The following RCL1 variants were observed in gnomAD, a reference collection of about 807,000 sequenced individuals.
RCL1 encodes RNA 3'-terminal phosphate cyclase-like protein.
In RCL1, 24 loss-of-function variants were observed where a neutral mutation model predicts 42.4. The observed-to-expected ratio is 0.57, with a 90% CI of 0.41 to 0.80. The LOEUF is 0.80. RCL1 is among the 30% of genes least tolerant of loss of function. RCL1 has a pLI of 0.00. For synonymous variants in RCL1, 228 were observed against 177.3 expected (o/e 1.29, Z -2.27); for missense variants, 578 against 467.9 (o/e 1.24, Z -2.17).
Position 4,826,948 on chromosome 9 carries a change from A to G in RCL1, c.299A>G (p.Glu100Gly). The change falls in exon 3 of 9, where the codon GAG becomes GGG. Residue 100 changes from glutamate to glycine, a missense_variant. By Grantham distance (98) the Glu-to-Gly change is moderately conservative. Coordinates refer to ENST00000381750, the MANE Select transcript of RCL1 (RefSeq NM_005772.5). Reference protein sequence around the residue: ...SVLRGIGYYLESLLCLAPFMK... With the variant: ...SVLRGIGYYLGSLLCLAPFMK... Reference sequence around the variant, plus strand: ...CTTCGTGGCATTGGGTATTACCTGGAGAGTCTTCTTTGCTTGGCTCCATTT... The same window carrying G: ...CTTCGTGGCATTGGGTATTACCTGGGGAGTCTTCTTTGCTTGGCTCCATTT... 2 of 1,614,054 alleles carry G rather than the reference A, an allele frequency of 1.2e-6. No homozygotes were observed. The highest frequency in any genetic ancestry group is 1.6e-4 in the Middle Eastern group (1 of 6,062).
At chr9:4,831,710 A>G (rs1020097436) in intron 3 of RCL1, among the ~76,000 whole-genome samples, 6 of 152,002 alleles carry the variant, frequency 3.9e-5, no homozygotes, top group African/African-American at 1.4e-4. Flanking sequence ...AAATTAGCTA[A>G]TCTTCAGTGG....
intron 2 of RCL1, among the ~76,000 whole-genome samples, chr9:4,824,222 G>T (rs1816684891): frequency 6.6e-6 from 1 of 152,112 alleles, no homozygotes; most frequent in African/African-American, 2.4e-5. Flanking sequence ...GTTTACACAA[G>T]TATATGCAAA....
intron 3 of RCL1, among the ~76,000 whole-genome samples, chr9:4,831,271 A>C (rs759642011): frequency 1.3e-5 from 2 of 150,666 alleles, no homozygotes; most frequent in African/African-American, 5.0e-5. Context: ...GACTCAAGGT[A>C]TAGGAAGGAT....
intron 1 of RCL1, among the ~76,000 whole-genome samples, chr9:4,817,912 A>ATTTTTTT (rs66886360): frequency 1.5e-4 from 12 of 78,362 alleles, no homozygotes; most frequent in East Asian, 4.5e-4. Context: ...CTTTTCTAAG[A>ATTTTTTT]TTTTTTTTTT....
At chr9:4,833,107 C>T in intron 3 of RCL1, 47 bp from the exon 4 acceptor site, 1 of 1,320,834 alleles carries the variant, frequency 7.6e-7, no homozygotes, top group Non-Finnish European at 1.1e-6. Context: ...CTCTTGTATT[C>T]TGCTGAAGGC....
At chr9:4,838,034 G>C (rs942893111) in intron 5 of RCL1, among the ~76,000 whole-genome samples, 3 of 152,226 alleles carry the variant, frequency 2.0e-5, no homozygotes, top group African/African-American at 7.2e-5. Flanking sequence ...TTTGAATGGA[G>C]ATCGCCCTCT....
intron 1 of RCL1, among the ~76,000 whole-genome samples, chr9:4,795,676 G>T (rs374271959): frequency 2.0e-5 from 3 of 152,288 alleles, no homozygotes; most frequent in African/African-American, 7.2e-5. Flanking sequence ...AAAATCTTCA[G>T]TTCTAATGCA....
At chr9:4,829,410 C>G (rs965426843) in intron 3 of RCL1, among the ~76,000 whole-genome samples, 1 of 152,112 alleles carries the variant, frequency 6.6e-6, no homozygotes, top group Non-Finnish European at 1.5e-5. Context: ...GGATCATGAT[C>G]GTAAAGATCA....
At chr9:4,794,266 C>A (rs1017425521) in intron 1 of RCL1, among the ~76,000 whole-genome samples, 13 of 152,108 alleles carry the variant, frequency 8.5e-5, no homozygotes, top group Non-Finnish European at 1.9e-4. Flanking sequence ...TGGTGATTGG[C>A]TGCACATAAA....
intron 1 of RCL1, among the ~76,000 whole-genome samples, chr9:4,821,246 G>A (rs1815567996): frequency 6.6e-6 from 1 of 152,134 alleles, no homozygotes; most frequent in Non-Finnish European, 1.5e-5. Context: ...AACATAGTGA[G>A]ATCCTATTTC....
intron 8 of RCL1, among the ~76,000 whole-genome samples, chr9:4,851,440 A>G (rs460631): frequency 0.88 from 133,733 of 152,230 alleles, 58,881 homozygotes; most frequent in East Asian, 1. Flanking sequence ...GATCTGTTTC[A>G]TACTCTTTCT....
intron 1 of RCL1, among the ~76,000 whole-genome samples, chr9:4,794,152 C>A (rs867104877): frequency 1.5e-4 from 23 of 152,184 alleles, no homozygotes; most frequent in African/African-American, 5.3e-4. Context: ...GTGGTTGGTC[C>A]TGGAAGCTTC....
At chr9:4,839,086 A>G (rs1197995097) in intron 5 of RCL1, among the ~76,000 whole-genome samples, 1 of 152,172 alleles carries the variant, frequency 6.6e-6, no homozygotes, top group Non-Finnish European at 1.5e-5. Context: ...ACTTGAACGG[A>G]GATAATCTGA....
At chr9:4,834,903 C>G (rs1217227851) in intron 5 of RCL1, among the ~76,000 whole-genome samples, 1 of 152,160 alleles carries the variant, frequency 6.6e-6, no homozygotes, top group Non-Finnish European at 1.5e-5. Context: ...TGTCACACTG[C>G]TAATAATGAC....
rs115482041 is a variant in RCL1 at position 4,860,267 on chromosome 9, C to T, written c.1114C>T (p.Leu372Phe). The change falls in exon 9 of 9, where the codon CTC becomes TTC. Residue 372 changes from leucine to phenylalanine, a missense_variant. By Grantham distance (22) the Leu-to-Phe change is conservative. Transcript: ENST00000381750. The stretch of plus-strand genomic sequence containing the variant: ...TGGTTTCTCCAACCTTAGCAAGACC[C>T]TCAAGTGATAACCATCACAAGATAA... ...GIGFSNLSKT[L>F]K 2.9e-3 allele frequency: 4,596 copies of T among 1,612,618 alleles called. 7 individuals carry two copies. The highest frequency in any genetic ancestry group is 3.5e-3 in the Non-Finnish European group (4,120 of 1,179,528).
intron 6 of RCL1, among the ~76,000 whole-genome samples, chr9:4,842,714 C>T (rs1817374428): frequency 6.6e-6 from 1 of 152,134 alleles, no homozygotes; most frequent in Non-Finnish European, 1.5e-5. Context: ...CTGTTCTTTC[C>T]TTTACTCTCC....
At chr9:4,851,665 T>C (rs916719839) in intron 8 of RCL1, among the ~76,000 whole-genome samples, 2 of 151,616 alleles carry the variant, frequency 1.3e-5, no homozygotes, top group African/African-American at 2.4e-5. Context: ...TATGTGTAGT[T>C]AAAGTCATAG....
intron 7 of RCL1, among the ~76,000 whole-genome samples, chr9:4,845,695 G>A (rs184564895): frequency 6.6e-6 from 1 of 152,328 alleles, no homozygotes; most frequent in East Asian, 1.9e-4. Context: ...GCAGAGTCCA[G>A]GAAAGGCTCT....
At chr9:4,839,631 A>G in intron 5 of RCL1, 1 of 982,746 alleles carries the variant, frequency 1.0e-6, no homozygotes, top group Non-Finnish European at 1.2e-6. Context: ...GACTGAAGAG[A>G]TGGTGATGTA....
Sources: allele counts gnomAD v4.1 joint callset (sites outside exome capture counted in the v4.1 genomes callset), GRCh38; gene constraint gnomAD v4.1.1; transcripts MANE v1.5; gene names NCBI Gene and HGNC (gene_info 2026-07-23, HGNC 2026-07-21).